Variants in F2RL2 observed in about 807,000 individuals in gnomAD.
The protein encoded by F2RL2 is coagulation factor II thrombin receptor like 2, also known as proteinase-activated receptor 3.
Under a neutral mutation model 4.3 loss-of-function variants are expected in F2RL2, and 4 were observed. The ratio of observed to expected loss-of-function variants is 0.93; its 90% CI spans 0.46 to 2.12. F2RL2 has a LOEUF of 2.12. Ranked by LOEUF, F2RL2 falls within the 30% of genes most tolerant of loss-of-function variation. F2RL2 has a pLI of 0.02. For synonymous variants in F2RL2, 166 were observed against 170.9 expected, an observed-to-expected ratio of 0.97 and a Z score of 0.22; for missense variants, 408 against 449.3, an observed-to-expected ratio of 0.91 and a Z score of 0.83.
Position 76,617,486 on chromosome 5 carries a change from G to A in F2RL2, c.*96C>T. On this transcript the variant is annotated 3_prime_UTR_variant, in exon 2 of 2. Transcript: ENST00000296641. Reference sequence around the variant, plus strand: ...TTTGACCTTTGAAGCATATTTCTTAGGAGCTCGGAAATGGAGCTCCTTGCA... The same window carrying A: ...TTTGACCTTTGAAGCATATTTCTTAAGAGCTCGGAAATGGAGCTCCTTGCA... 1 of 897,638 alleles carries A rather than the reference G, an allele frequency of 1.1e-6. No individual in the cohort carries two copies. Among genetic ancestry groups the A allele is most frequent in the Non-Finnish European group, 1.7e-6 (1 of 587,320 alleles). 55.6% of individuals were successfully genotyped at this position (897,638 alleles called of 1,614,324 possible).
chr5:76,620,842 A>C (rs1007193264), intron 1 of F2RL2, among the ~76,000 whole-genome samples: 4 of 152,242 alleles, frequency 2.6e-5, no homozygotes, highest in Non-Finnish European at 5.9e-5. Flanking sequence ...ATAGAAACAC[A>C]TCAACTATAT....
Position 76,623,306 on chromosome 5 carries a change from A to G in F2RL2, c.-76T>C. On this transcript the variant is annotated 5_prime_UTR_variant, in exon 1 of 2. It removes an upstream start codon present in the reference 5' UTR. Transcript: ENST00000296641. ...TGGAGCACAATTTCACCTCAGTTCCATGTGTCAGCAGCAAATGGAAGCCTT... is the reference window on the plus strand; with the variant it reads ...TGGAGCACAATTTCACCTCAGTTCCGTGTGTCAGCAGCAAATGGAAGCCTT... 1 of 1,541,098 alleles carries G rather than the reference A, an allele frequency of 6.5e-7. No individual in the cohort carries two copies. Among genetic ancestry groups the G allele is most frequent in the Admixed American group, 1.7e-5 (1 of 59,410 alleles).
chr5:76,618,853 G>C (rs553275985), intron 1 of F2RL2, among the ~76,000 whole-genome samples: 1 of 152,256 alleles, frequency 6.6e-6, no homozygotes, highest in East Asian at 1.9e-4. Flanking sequence ...AAAACTAAAT[G>C]ATCAGTCCTT....
At chr5:76,620,764 AAGG>A (rs769210977) in intron 1 of F2RL2, among the ~76,000 whole-genome samples, 4 of 152,162 alleles carry the variant, frequency 2.6e-5, no homozygotes, top group Non-Finnish European at 4.4e-5. Context: ...AGAGGAAACA[AAGG>A]AGGAAAAATC....
At chr5:76,622,439 T>TATG (rs2150365773) in intron 1 of F2RL2, among the ~76,000 whole-genome samples, 1 of 152,334 alleles carries the variant, frequency 6.6e-6, no homozygotes, top group South Asian at 2.1e-4. Context: ...TTTCCCTTGC[T>TATG]ATGTCCAGTC....
rs1749125015 is a variant in F2RL2 at position 76,617,722 on chromosome 5, A to G, written c.985T>C (p.Tyr329His). Residue 329 changes from tyrosine (Y) to histidine (H), a missense_variant, in exon 2 of 2, where the codon TAC (tyrosine) becomes CAC (histidine). Tyr to His is a moderately conservative substitution (Grantham distance 83, BLOSUM62 2). Transcript: ENST00000296641. ...TATAAGCCATCAGTGTTGTTGTAGT[A>G]GTAGTTAGCATGGTGAATAATAAGA... ...IILIIHHANY[Y>H]YNNTDGLYFI... 6.2e-7 allele frequency: 1 copy of G among 1,614,006 alleles called. No individual in the cohort carries two copies. Among genetic ancestry groups the G allele is most frequent in the East Asian group, 2.2e-5 (1 of 44,876 alleles).
intron 1 of F2RL2, among the ~76,000 whole-genome samples, chr5:76,620,040 A>G (rs1749485232): frequency 6.6e-6 from 1 of 152,208 alleles, no homozygotes; most frequent in Non-Finnish European, 1.5e-5. Context: ...TAGAGCCTCG[A>G]GAATGAACAC....
Position 76,623,394 on chromosome 5 carries a change from G to T in F2RL2, c.-164C>A, listed in dbSNP as rs1051187207. The stretch of plus-strand genomic sequence containing the variant: ...GGCAGGAAACTTGCCCTGGTCCTCC[G>T]CAGGGAAAGGATGTAATCCACTCGA... On this transcript the variant is annotated 5_prime_UTR_variant, in exon 1 of 2. Transcript: ENST00000296641. 1.9e-5 allele frequency: 13 copies of T among 694,832 alleles called. No homozygotes were observed. Among genetic ancestry groups the T allele is most frequent in the Non-Finnish European group, 2.9e-5 (12 of 415,230 alleles). 43.0% of individuals were successfully genotyped at this position (694,832 alleles called of 1,614,324 possible).
Position 76,618,627 on chromosome 5 carries a change from G to C in F2RL2, c.80C>G (p.Thr27Arg), listed in dbSNP as rs1321140461. The C allele has an allele frequency of 7.4e-6, 12 of 1,611,104 alleles. No homozygotes were observed. The highest frequency in any genetic ancestry group is 1.0e-5 in the Non-Finnish European group (12 of 1,178,100). Residue 27 changes from threonine to arginine, a missense_variant, in exon 2 of 2, where the codon ACA becomes AGA. By Grantham distance (71) the Thr-to-Arg change is moderately conservative. Coordinates refer to ENST00000296641, the MANE Select transcript of F2RL2 (RefSeq NM_004101.4). ...TFCQSGMEND[T>R]NNLAKPTLPI... The stretch of plus-strand genomic sequence containing the variant: ...TAAGGTTGGCTTTGCCAAGTTGTTT[G>C]TATCATTTTCCATGCCTGTAATTGA...
intron 1 of F2RL2, among the ~76,000 whole-genome samples, chr5:76,620,490 G>A (rs1223183002): frequency 6.6e-6 from 1 of 152,178 alleles, no homozygotes; most frequent in Non-Finnish European, 1.5e-5. Flanking sequence ...AAGGAGACAG[G>A]ATCGGGGAGA....
intron 1 of F2RL2, among the ~76,000 whole-genome samples, chr5:76,622,709 C>T (rs1054086255): frequency 2.0e-5 from 3 of 152,188 alleles, no homozygotes; most frequent in African/African-American, 7.2e-5. Context: ...TTCGGAAATA[C>T]TGACTTATTA....
rs927262691 is a variant in F2RL2 at position 76,617,273 on chromosome 5, C to G, written c.*309G>C. 4.4e-6 allele frequency: 1 copy of G among 227,046 alleles called. No individual in the cohort carries two copies. The highest frequency in any genetic ancestry group is 2.3e-5 in the African/African-American group (1 of 44,222). The allele number at this position is 227,046 out of a possible 1,614,324, so 14.1% of individuals were successfully genotyped here. On this transcript the variant is annotated 3_prime_UTR_variant, in exon 2 of 2. Coordinates refer to ENST00000296641, the MANE Select transcript of F2RL2 (RefSeq NM_004101.4). The stretch of plus-strand genomic sequence containing the variant: ...CAGCCTGGTCAACATGGTGAAACCC[C>G]GTCTCTACTAAAAATACAAGTATTT...
intron 1 of F2RL2, among the ~76,000 whole-genome samples, chr5:76,620,265 C>T (rs1749507439): frequency 6.6e-6 from 1 of 152,164 alleles, no homozygotes. Flanking sequence ...TTGGAGGCTA[C>T]TGTCATCATT....
Position 76,618,071 on chromosome 5 carries a change from T to C in F2RL2, c.636A>G (p.Val212=). The C allele has an allele frequency of 6.2e-7, 1 of 1,614,118 alleles. No homozygotes were observed. The highest frequency in any genetic ancestry group is 8.5e-7 in the Non-Finnish European group (1 of 1,180,024). Residue 212 remains valine, a synonymous_variant, in exon 2 of 2, where the codon GTA becomes GTG. Coordinates refer to ENST00000296641, the MANE Select transcript of F2RL2 (RefSeq NM_004101.4). ...CTGTTGCCCACACCAGTCCACATGT[T>C]ACCAAGGCATAGGTGTGCTTGGGCA... ...RGLPKHTYAL[V]TCGLVWATVF...
chr5:76,622,638 T>TA (rs943766159), intron 1 of F2RL2, among the ~76,000 whole-genome samples: 21 of 152,144 alleles, frequency 1.4e-4, no homozygotes, highest in Non-Finnish European at 1.0e-4. Context: ...TTTTTAAAAT[T>TA]AAAAAATCAT....
rs1364445093 is a variant in F2RL2 at position 76,616,925 on chromosome 5, A to G, written c.*657T>C. On this transcript the variant is annotated 3_prime_UTR_variant, in exon 2 of 2. Coordinates refer to ENST00000296641, the MANE Select transcript of F2RL2 (RefSeq NM_004101.4). ...CCCTGGTGAGGGACCCTACAAAGAT[A>G]GAATCAGTTGATGAGGCAGCCACCA... The G allele has an allele frequency of 1.3e-5, 2 of 152,254 alleles. No individual in the cohort carries two copies. Among genetic ancestry groups the G allele is most frequent in the African/African-American group, 4.8e-5 (2 of 41,450 alleles). The allele number at this position is 152,254 out of a possible 1,614,324, so 9.4% of individuals were successfully genotyped here.
rs777519711 is a variant in F2RL2 at position 76,618,073 on chromosome 5, C to T, written c.634G>A (p.Val212Ile). ...GTTGCCCACACCAGTCCACATGTTA[C>T]CAAGGCATAGGTGTGCTTGGGCAGG... is the stretch of plus-strand genomic sequence containing the variant. ...RGLPKHTYAL[V>I]TCGLVWATVF... is the part of the protein sequence containing the mutation. The change falls in exon 2 of 2, where the codon GTA (valine) becomes ATA (isoleucine). Residue 212 changes from valine (V) to isoleucine (I), a missense_variant. By Grantham distance (29) the Val-to-Ile change is conservative. Transcript: ENST00000296641. The T allele has an allele frequency of 6.2e-7, 1 of 1,614,122 alleles. No homozygotes were observed. The highest frequency in any genetic ancestry group is 8.5e-7 in the Non-Finnish European group (1 of 1,180,034).
In F2RL2 at chr5:76,620,428, AC is replaced by A. The variant is rs141238064; in HGVS notation, c.65-1787del. ...GGAAGCAATAATGACTCAGGTTTCT[AC>A]TCTAGATGACTTGGAGGGAGAGGAT... On this transcript the variant is annotated intron_variant, in intron 1 of 1. Coordinates refer to ENST00000296641, the MANE Select transcript of F2RL2 (RefSeq NM_004101.4). 9.1e-3 allele frequency among the ~76,000 whole-genome samples: 1,392 copies of A among 152,154 alleles called. 17 individuals carry two copies. Among genetic ancestry groups the A allele is most frequent in the African/African-American group, 0.031 (1,282 of 41,498 alleles).
Position 76,617,403 on chromosome 5 carries a change from G to A in F2RL2, c.*179C>T. ...AGTGCCACTGCACGCCAGTCTGGGT[G>A]ATAAAGTGAGACTCAGTCTCAAAAA... On this transcript the variant is annotated 3_prime_UTR_variant, in exon 2 of 2. Coordinates refer to ENST00000296641, the MANE Select transcript of F2RL2 (RefSeq NM_004101.4). The A allele has an allele frequency of 3.5e-6, 2 of 579,528 alleles. No individual in the cohort carries two copies. Among genetic ancestry groups the A allele is most frequent in the South Asian group, 2.3e-5 (1 of 42,938 alleles). The allele number at this position is 579,528 out of a possible 1,614,324, so 35.9% of individuals were successfully genotyped here.
Sources: allele counts gnomAD v4.1 joint callset (sites outside exome capture counted in the v4.1 genomes callset), GRCh38; gene constraint gnomAD v4.1.1; transcripts MANE v1.5; gene names NCBI Gene and HGNC (gene_info 2026-07-23, HGNC 2026-07-21).